Variants in SNTG1 observed in about 807,000 individuals in gnomAD.
The protein encoded by SNTG1 is syntrophin gamma 1.
A neutral mutation model predicts 74.7 loss-of-function variants in SNTG1; 39 were observed. The ratio of observed to expected loss-of-function variants is 0.52; its 90% CI spans 0.40 to 0.68. SNTG1 has a LOEUF of 0.68. Ranked by LOEUF, SNTG1 falls within the 30% of genes least tolerant of loss-of-function variation. The probability of loss-of-function intolerance (pLI) is 0.00; values close to 1 mark genes in which losing one functional copy is unlikely to be tolerated. For synonymous variants in SNTG1, 254 were observed against 217.1 expected (o/e 1.17, Z -1.49); for missense variants, 685 against 609.5 (o/e 1.12, Z -1.30).
At chr8:50,195,711 C>G (rs2131811931) in intron 2 of SNTG1, among the ~76,000 whole-genome samples, 1 of 152,302 alleles carries the variant, frequency 6.6e-6, no homozygotes, top group South Asian at 2.1e-4. Flanking sequence ...AGACCTTCAG[C>G]TTTTCCACTG....
intron 13 of SNTG1, among the ~76,000 whole-genome samples, chr8:50,650,558 A>C (rs1171447715): frequency 6.6e-6 from 1 of 152,136 alleles, no homozygotes; most frequent in Non-Finnish European, 1.5e-5. Context: ...AAAAAGATTC[A>C]CTAGTTCCTC....
intron 17 of SNTG1, among the ~76,000 whole-genome samples, chr8:50,727,533 C>G (rs2095503070): frequency 6.6e-6 from 1 of 152,124 alleles, no homozygotes; most frequent in Non-Finnish European, 1.5e-5. Context: ...GTGGGCCCAT[C>G]CAGGTGCATT....
At chr8:50,239,388 A>G (rs1349869465) in intron 2 of SNTG1, among the ~76,000 whole-genome samples, 1 of 152,178 alleles carries the variant, frequency 6.6e-6, no homozygotes, top group Non-Finnish European at 1.5e-5. Context: ...ACTTACAATC[A>G]TGGTGGAAGG....
chr8:50,678,903 T>C (rs2095320132), intron 15 of SNTG1, among the ~76,000 whole-genome samples: 1 of 152,116 alleles, frequency 6.6e-6, no homozygotes, highest in African/African-American at 2.4e-5. Flanking sequence ...TCCAAGGATA[T>C]ATCTAAAGAT....
chr8:50,138,910 T>G (rs1354614666), intron 1 of SNTG1, among the ~76,000 whole-genome samples: 1 of 152,146 alleles, frequency 6.6e-6, no homozygotes, highest in African/African-American at 2.4e-5. Flanking sequence ...ATACTGACTT[T>G]ATAAAATTTA....
intron 1 of SNTG1, among the ~76,000 whole-genome samples, chr8:49,914,324 G>A (rs1282010563): frequency 6.6e-6 from 1 of 150,674 alleles, no homozygotes; most frequent in Non-Finnish European, 1.5e-5. Flanking sequence ...GGATGCATGA[G>A]GTCTTGGGAG....
intron 1 of SNTG1, among the ~76,000 whole-genome samples, chr8:50,069,321 A>G (rs1290287773): frequency 6.6e-6 from 1 of 152,174 alleles, no homozygotes; most frequent in African/African-American, 2.4e-5. Context: ...CACAAAATCC[A>G]CAAGTGCTGC....
chr8:50,199,218 C>CT (rs879822781), intron 2 of SNTG1, among the ~76,000 whole-genome samples: 9,172 of 133,426 alleles, frequency 0.069, 648 homozygotes, highest in South Asian at 0.17. Flanking sequence ...ACTTAATTTC[C>CT]TTTTTTTTTT....
intron 13 of SNTG1, among the ~76,000 whole-genome samples, chr8:50,593,098 C>T (rs1238580860): frequency 6.6e-6 from 1 of 152,060 alleles, no homozygotes; most frequent in Non-Finnish European, 1.5e-5. Context: ...TTCTAGGTAT[C>T]AAAACAGAAA....
At chr8:50,517,616 C>CA (rs1161724778) in intron 9 of SNTG1, among the ~76,000 whole-genome samples, 15,948 of 62,268 alleles carry the variant, frequency 0.26, 2,188 homozygotes, top group African/African-American at 0.38. Context: ...AAATGGAAAG[C>CA]AAAAAAAAAA....
intron 1 of SNTG1, among the ~76,000 whole-genome samples, chr8:50,080,966 C>G (rs1822348470): frequency 6.6e-6 from 1 of 151,902 alleles, no homozygotes; most frequent in Non-Finnish European, 1.5e-5. Context: ...TTCTTCCTAC[C>G]TCTTTTGTGC....
At chr8:50,422,277 A>ATCTATCTATCTATCTATCTATCTG (rs759085505) in intron 4 of SNTG1, among the ~76,000 whole-genome samples, 87 of 151,694 alleles carry the variant, frequency 5.7e-4, no homozygotes, top group South Asian at 2.1e-3. Flanking sequence ...TCTACTATCT[A>ATCTATCTATCTATCTATCTATCTG]TCTATCTATG....
chr8:50,392,639 G>A (rs984150538), intron 2 of SNTG1, among the ~76,000 whole-genome samples: 4 of 152,060 alleles, frequency 2.6e-5, no homozygotes, highest in Non-Finnish European at 4.4e-5. Flanking sequence ...TTATCTAACT[G>A]TATGTAGAAA....
chr8:50,549,321 C>T (rs953394394), intron 11 of SNTG1, among the ~76,000 whole-genome samples: 1 of 152,120 alleles, frequency 6.6e-6, no homozygotes, highest in East Asian at 1.9e-4. Context: ...TAAAATGCAA[C>T]AGTCACAAAC....
chr8:50,499,521 A>C (rs1585474156), intron 8 of SNTG1, among the ~76,000 whole-genome samples: 1 of 151,598 alleles, frequency 6.6e-6, no homozygotes, highest in African/African-American at 2.4e-5. Context: ...TAGATACCTA[A>C]ATTTTTTCTC....
chr8:50,559,109 G>C (rs889634916), intron 12 of SNTG1, among the ~76,000 whole-genome samples: 9 of 152,250 alleles, frequency 5.9e-5, no homozygotes, highest in African/African-American at 2.2e-4. Context: ...TTCAGGCAAA[G>C]AAAAATCATG....
intron 1 of SNTG1, among the ~76,000 whole-genome samples, chr8:50,059,905 T>A (rs1486737693): frequency 6.6e-6 from 1 of 152,102 alleles, no homozygotes; most frequent in Non-Finnish European, 1.5e-5. Context: ...TTTAACTACT[T>A]GAAGAACTAC....
At chr8:50,174,841 C>T (rs1043022228) in intron 2 of SNTG1, among the ~76,000 whole-genome samples, 2 of 150,776 alleles carry the variant, frequency 1.3e-5, no homozygotes, top group African/African-American at 4.9e-5. Context: ...AGGTATATCT[C>T]GTAATGCTAT....
chr8:50,718,924 G>C (rs933370822), intron 17 of SNTG1, among the ~76,000 whole-genome samples: 3 of 152,154 alleles, frequency 2.0e-5, no homozygotes, highest in Non-Finnish European at 4.4e-5. Flanking sequence ...GACAGTGGTT[G>C]TTTCTTAGAT....
Sources: gnomAD v4.1 joint callset for allele counts (sites outside exome capture counted in the v4.1 genomes callset) on GRCh38, gnomAD v4.1.1 for gene constraint, MANE v1.5 for transcripts, NCBI Gene and HGNC (gene_info 2026-07-23, HGNC 2026-07-21) for gene names.